DUXB: variants seen among roughly 807,000 people sequenced by gnomAD.
DUXB encodes double homeobox B, also known as double homeobox protein B.
A neutral mutation model predicts 8.9 loss-of-function variants in DUXB; 22 were observed. The observed-to-expected ratio is 2.46, with a 90% CI of 1.76 to 3.52. The LOEUF is 3.52. Among genes scored for constraint, DUXB ranks in the 30% most tolerant of loss-of-function variants. The pLI is 0.00. For missense variants in DUXB, 237 were observed against 108.7 expected, an observed-to-expected ratio of 2.18 and a Z score of -5.25; for synonymous variants, 84 against 37.6, an observed-to-expected ratio of 2.23 and a Z score of -4.52.
rs542736114 is a variant in DUXB at position 75,699,851 on chromosome 16, G to T, written c.180+164C>A. Among the ~76,000 whole-genome samples, 153 of 152,224 alleles carry T rather than the reference G, an allele frequency of 1.0e-3. 2 individuals carry two copies. Among genetic ancestry groups the T allele is most frequent in the Admixed American group, 3.3e-4 (5 of 15,288 alleles). On this transcript the variant is annotated intron_variant, in intron 2 of 4. Coordinates refer to ENST00000633875, the MANE Select transcript of DUXB (RefSeq NM_001351307.2). ...GCTGGGATTACAGGCGTGAGCCACC[G>T]CGCCCAGCCTTTTTATTTGTTTTCT... is the stretch of plus-strand genomic sequence containing the variant.
intron 2 of DUXB, among the ~76,000 whole-genome samples, chr16:75,698,274 C>G (rs1226668717): frequency 2.0e-5 from 3 of 152,166 alleles, no homozygotes; most frequent in African/African-American, 7.2e-5. Flanking sequence ...ACTTTTGTTA[C>G]TGGGACTTGA....
At position 75,694,034 on chromosome 16, in the gene DUXB, T is replaced by G; in HGVS notation, c.933A>C (p.Gln311His). The G allele has an allele frequency of 2.5e-6, 1 of 403,464 alleles. No individual in the cohort carries two copies. The highest frequency in any genetic ancestry group is 4.4e-6 in the Non-Finnish European group (1 of 229,680). The allele number at this position is 403,464 out of a possible 1,614,324, so 25.0% of individuals were successfully genotyped here. A position where few individuals can be genotyped will look rare whatever the true frequency, so the allele number is the denominator to read the frequency against. The change falls in exon 5 of 5, where the codon CAA becomes CAC. Residue 311 changes from glutamine (Q) to histidine (H), a missense_variant. Gln to His is a conservative substitution (Grantham distance 24, BLOSUM62 0). Transcript: ENST00000633875. ...TGTCAAACTGACCCAGATTTAGAGG[T>G]TGTTGCTCCCTGTGCTCAGGTTCAG... ...SQPEPEHREQ[Q>H]PLNLGQFDIS...
At chr16:75,697,948 T>C (rs2151833409) in intron 2 of DUXB, among the ~76,000 whole-genome samples, 1 of 152,304 alleles carries the variant, frequency 6.6e-6, no homozygotes, top group South Asian at 2.1e-4. Flanking sequence ...GGTGGAATAG[T>C]TTCATCCCAA....
chr16:75,694,655 T>C (rs961388135), intron 4 of DUXB, 130 bp from the exon 5 acceptor site: 1 of 615,620 alleles, frequency 1.6e-6, no homozygotes, highest in Non-Finnish European at 2.9e-6. Flanking sequence ...GAGTTGGCTC[T>C]CTGAATCCAT....
chr16:75,700,163 A>G lies in DUXB; in HGVS notation c.32T>C (p.Leu11Pro), dbSNP rs1959202307. 1 of 701,670 alleles carries G rather than the reference A, an allele frequency of 1.4e-6. No individual in the cohort carries two copies. The highest frequency in any genetic ancestry group is 1.7e-5 in the African/African-American group (1 of 57,324). 43.5% of individuals were successfully genotyped at this position (701,670 alleles called of 1,614,324 possible). MNLEGTSGGI[L>P]QKEFWRNRIQ... ...TCTGTTTCTCCAGAATTCTTTTTGA[A>G]GTATGCCTGATGAACAGAAAAGGGG... The change falls in exon 2 of 5, where the codon CTT becomes CCT. Residue 11 changes from leucine (L) to proline (P), a missense_variant. Coordinates refer to ENST00000633875, the MANE Select transcript of DUXB (RefSeq NM_001351307.2).
intron 1 of DUXB, 103 bp downstream of exon 1, chr16:75,701,289 CTG>C (rs1226496300): frequency 1.0e-5 from 4 of 398,120 alleles, no homozygotes; most frequent in Middle Eastern, 6.2e-4. Context: ...CTCTACCAGT[CTG>C]TACCTCTAAT....
chr16:75,700,414 T>TAG (rs1959203602), intron 1 of DUXB, among the ~76,000 whole-genome samples: 1 of 152,060 alleles, frequency 6.6e-6, no homozygotes, highest in South Asian at 2.1e-4. Flanking sequence ...TTTTTCTTTG[T>TAG]AGAGATGAGG....
intron 4 of DUXB, among the ~76,000 whole-genome samples, chr16:75,695,111 T>C (rs1007119632): frequency 3.9e-5 from 6 of 152,038 alleles, no homozygotes; most frequent in African/African-American, 1.5e-4. Context: ...TTCATGTGTG[T>C]ATATATGTGT....
At chr16:75,697,528 T>C (rs1423454778) in intron 2 of DUXB, among the ~76,000 whole-genome samples, 4 of 152,208 alleles carry the variant, frequency 2.6e-5, no homozygotes, top group African/African-American at 9.6e-5. Flanking sequence ...ACAAAACCAA[T>C]TGAACTCTTT....
intron 2 of DUXB, chr16:75,698,951 C>T (rs1413971954): frequency 6.6e-6 from 1 of 152,222 alleles, no homozygotes; most frequent in Non-Finnish European, 1.5e-5. Flanking sequence ...TCAAATGATC[C>T]TTCCACCTAA....
rs912869561 is a variant in DUXB at position 75,694,589 on chromosome 16, A to G, written c.442-64T>C. The G allele has an allele frequency of 1.1e-5, 8 of 695,680 alleles. No individual in the cohort carries two copies. The African/African-American group carries it at 1.2e-4, about 11-fold the overall frequency. The allele number at this position is 695,680 out of a possible 1,614,324, so 43.1% of individuals were successfully genotyped here. On this transcript the variant is annotated intron_variant, in intron 4 of 4. Coordinates refer to ENST00000633875, the MANE Select transcript of DUXB (RefSeq NM_001351307.2). ...AAGCAATTGTAACTCTGCATCAGAT[A>G]CTCTATAAAACAAAGGAGCTATTAA...
intron 1 of DUXB, among the ~76,000 whole-genome samples, chr16:75,700,874 A>G (rs1959206598): frequency 6.6e-6 from 1 of 152,182 alleles, no homozygotes; most frequent in Admixed American, 6.5e-5. Flanking sequence ...GGGTATATAA[A>G]CATTTAAATA....
chr16:75,695,965 AT>A lies in DUXB; in HGVS notation c.436del (p.Ile146PhefsTer21). 1.4e-6 allele frequency: 1 copy of A among 702,974 alleles called. No homozygotes were observed. The highest frequency in any genetic ancestry group is 2.6e-6 in the Non-Finnish European group (1 of 384,994). 43.5% of individuals were successfully genotyped at this position (702,974 alleles called of 1,614,324 possible). A position where few individuals can be genotyped will look rare whatever the true frequency, so the allele number is the denominator to read the frequency against. On this transcript the variant is annotated frameshift_variant, in exon 4 of 5. Transcript: ENST00000633875. LOFTEE classifies it low-confidence loss of function (END_TRUNC). ...AEQTGLQESR[I>X]QMWFQKQRSL... ...GATCACACACATAGAACTTACTTGA[AT>A]TCTTGATTCCTGCAGGCCTGTTTGT...
chr16:75,700,200 GA>G (rs1462438180), intron 1 of DUXB, 31 bp from the exon 2 acceptor site: 1 of 681,734 alleles, frequency 1.5e-6, no homozygotes, highest in Non-Finnish European at 2.6e-6. Flanking sequence ...AGAATAGTGT[GA>G]ATAATATATT....
intron 2 of DUXB, among the ~76,000 whole-genome samples, chr16:75,698,128 C>G (rs1035340667): frequency 6.6e-6 from 1 of 152,140 alleles, no homozygotes; most frequent in Non-Finnish European, 1.5e-5. Flanking sequence ...AAACTGGAAA[C>G]AAGTGAAAAA....
At position 75,693,932 on chromosome 16, in the gene DUXB, G is replaced by A. The variant is rs1433143271; in HGVS notation, c.1035C>T (p.His345=). Residue 345 remains histidine (H), a synonymous_variant, in exon 5 of 5, where the codon CAC becomes CAT. Transcript: ENST00000633875. The part of the protein sequence containing the change: ...LAEWDPLKGT[H] ...CTACTGCTGCCACAAGTCTGTCTCA[G>A]TGTGTCCCTTTGAGAGGGTCCCATT... 1.0e-5 allele frequency: 4 copies of A among 399,578 alleles called. No individual in the cohort carries two copies. Among genetic ancestry groups the A allele is most frequent in the Non-Finnish European group, 1.3e-5 (3 of 227,000 alleles). The allele number at this position is 399,578 out of a possible 1,614,324, so 24.8% of individuals were successfully genotyped here.
intron 2 of DUXB, among the ~76,000 whole-genome samples, chr16:75,697,538 T>G (rs901179050): frequency 6.6e-6 from 1 of 152,222 alleles, no homozygotes; most frequent in Non-Finnish European, 1.5e-5. Flanking sequence ...TTGAACTCTT[T>G]GCTTGTTTCC....
chr16:75,701,035 G>C (rs1959207423), intron 1 of DUXB, among the ~76,000 whole-genome samples: 1 of 152,122 alleles, frequency 6.6e-6, no homozygotes, highest in African/African-American at 2.4e-5. Context: ...AATTGAACAG[G>C]TGAAATAAGA....
chr16:75,699,068 A>G (rs1305130429), intron 2 of DUXB, among the ~76,000 whole-genome samples: 1 of 151,138 alleles, frequency 6.6e-6, no homozygotes, highest in East Asian at 1.9e-4. Flanking sequence ...CTGATCTTGA[A>G]CTCCTGGCCT....
Sources: allele counts gnomAD v4.1 joint callset (sites outside exome capture counted in the v4.1 genomes callset), GRCh38; gene constraint gnomAD v4.1.1; transcripts MANE v1.5; gene names NCBI Gene and HGNC (gene_info 2026-07-23, HGNC 2026-07-21).